The following ARHGEF16 variants were observed in gnomAD, a reference collection of about 807,000 sequenced individuals.
The protein encoded by ARHGEF16 is Rho guanine nucleotide exchange factor 16, also known as Rho guanine exchange factor (GEF) 16.
In ARHGEF16, 59 loss-of-function variants were observed where a neutral mutation model predicts 74.1. That is an observed-to-expected ratio of 0.80 (90% confidence interval 0.65 to 0.99). The LOEUF (loss-of-function observed/expected upper bound fraction) is 0.99. Among genes scored for constraint, ARHGEF16 ranks in the 50% least tolerant of loss-of-function variants. The pLI is 0.00. For missense variants in ARHGEF16, 948 were observed against 986.6 expected (o/e 0.96, Z 0.52); for synonymous variants, 415 against 412.6 (o/e 1.01, Z -0.07).
chr1:3,455,357 CT>C (rs955594673), intron 1 of ARHGEF16, among the ~76,000 whole-genome samples: 5 of 152,094 alleles, frequency 3.3e-5, no homozygotes, highest in Admixed American at 6.5e-5. Context: ...CCATACGCCC[CT>C]CCCCCACCCT....
Position 3,480,655 on chromosome 1 carries a change from G to C in ARHGEF16, c.*68G>C. ...CAGCAAGTGGTCGTGCCTGGCTCTA[G>C]AGAGCGTGGGGAGCTGGTCTCAAGG... On this transcript the variant is annotated 3_prime_UTR_variant, in exon 15 of 15. Transcript: ENST00000378378. 6.4e-7 allele frequency: 1 copy of C among 1,559,584 alleles called. No homozygotes were observed. The highest frequency in any genetic ancestry group is 8.6e-7 in the Non-Finnish European group (1 of 1,157,004).
chr1:3,460,197 G>T (rs2100732332), intron 1 of ARHGEF16, among the ~76,000 whole-genome samples: 1 of 152,302 alleles, frequency 6.6e-6, no homozygotes, highest in South Asian at 2.1e-4. Flanking sequence ...GGGAGCGGAG[G>T]TCACACCCAG....
At chr1:3,470,071 C>A (rs1239213226) in intron 6 of ARHGEF16, among the ~76,000 whole-genome samples, 1 of 152,092 alleles carries the variant, frequency 6.6e-6, no homozygotes, top group African/African-American at 2.4e-5. Context: ...CAGCTGCAGC[C>A]ATGCACGGGG....
At position 3,477,960 on chromosome 1, in the gene ARHGEF16, T is replaced by C; in HGVS notation, c.1559T>C (p.Ile520Thr). ...LVEETGLFRK[I>T]ASRPTCYLFL... is the part of the protein sequence containing the mutation. The stretch of plus-strand genomic sequence containing the variant: ...GAAGAAACCGGACTTTTTCGAAAAA[T>C]TGCCAGCCGGCCAACGTGCTACCTT... The change falls in exon 11 of 15, where the codon ATT becomes ACT. Residue 520 changes from isoleucine to threonine, a missense_variant. Coordinates refer to ENST00000378378, the MANE Select transcript of ARHGEF16 (RefSeq NM_014448.4). The C allele has an allele frequency of 6.2e-7, 1 of 1,612,550 alleles. No individual in the cohort carries two copies. Among genetic ancestry groups the C allele is most frequent in the South Asian group, 1.1e-5 (1 of 91,078 alleles).
chr1:3,458,659 C>G (rs1231341181), intron 1 of ARHGEF16, among the ~76,000 whole-genome samples: 1 of 152,216 alleles, frequency 6.6e-6, no homozygotes, highest in African/African-American at 2.4e-5. Flanking sequence ...CAGAAACAAT[C>G]AACCACCAGC....
intron 10 of ARHGEF16, among the ~76,000 whole-genome samples, chr1:3,476,634 C>T (rs1372572398): frequency 6.6e-6 from 1 of 152,114 alleles, no homozygotes; most frequent in African/African-American, 2.4e-5. Context: ...ATCCCACACA[C>T]TGGCCGCATC....
chr1:3,478,595 G>C lies in ARHGEF16; in HGVS notation c.1797G>C (p.Leu599=), dbSNP rs1639963775. 1 of 1,611,180 alleles carries C rather than the reference G, an allele frequency of 6.2e-7. No homozygotes were observed. The highest frequency in any genetic ancestry group is 1.1e-5 in the South Asian group (1 of 90,850). The change falls in exon 12 of 15, where the codon CTG becomes CTC. Residue 599 remains leucine (L), a synonymous_variant. Transcript: ENST00000378378. The part of the protein sequence containing the change: ...RNSEGRQEQL[L]LSSDSASDRA... ...GCGAGGGCCGCCAGGAGCAGCTCCT[G>C]CTCTCCTCGGACTCCGCGTAAGTGG...
intron 6 of ARHGEF16, among the ~76,000 whole-genome samples, chr1:3,470,986 G>C (rs373637827): frequency 6.3e-5 from 9 of 143,852 alleles, no homozygotes; most frequent in African/African-American, 1.8e-4. Flanking sequence ...GTGTGTGTGC[G>C]TGGGCAGGGG....
At chr1:3,457,383 T>G (rs568709799) in intron 1 of ARHGEF16, among the ~76,000 whole-genome samples, 1 of 152,198 alleles carries the variant, frequency 6.6e-6, no homozygotes, top group African/African-American at 2.4e-5. Flanking sequence ...TGGGACCACA[T>G]GAAGCTGGAG....
At chr1:3,462,759 A>G (rs1639431672) in intron 1 of ARHGEF16, among the ~76,000 whole-genome samples, 1 of 152,246 alleles carries the variant, frequency 6.6e-6, no homozygotes, top group East Asian at 1.9e-4. Context: ...GTGGCCTCCC[A>G]ACCTCCAAGG....
intron 1 of ARHGEF16, among the ~76,000 whole-genome samples, chr1:3,456,373 C>A (rs945900541): frequency 6.6e-6 from 1 of 152,218 alleles, no homozygotes; most frequent in Non-Finnish European, 1.5e-5. Flanking sequence ...GAGTTTGGGT[C>A]TGAGTTTTAG....
At chr1:3,479,004 G>T (rs1032951903) in intron 12 of ARHGEF16, among the ~76,000 whole-genome samples, 2 of 152,224 alleles carry the variant, frequency 1.3e-5, no homozygotes, top group Non-Finnish European at 2.9e-5. Flanking sequence ...GCTGCAGGTG[G>T]ACAGCAGTGA....
Position 3,466,128 on chromosome 1 carries a change from T to C in ARHGEF16, c.589-20T>C. On this transcript the variant is annotated intron_variant, in intron 2 of 14. Coordinates refer to ENST00000378378, the MANE Select transcript of ARHGEF16 (RefSeq NM_014448.4). The stretch of plus-strand genomic sequence containing the variant: ...TGCCCCGGCTGACAGCTGCGGTTTC[T>C]GTGTCTCTCTTTTGTGCAGAAGACG... 6.5e-7 allele frequency: 1 copy of C among 1,548,162 alleles called. No homozygotes were observed. The highest frequency in any genetic ancestry group is 8.7e-7 in the Non-Finnish European group (1 of 1,145,920).
At chr1:3,472,582 T>C (rs550580017) in intron 6 of ARHGEF16, among the ~76,000 whole-genome samples, 75 of 152,348 alleles carry the variant, frequency 4.9e-4, no homozygotes, top group South Asian at 8.3e-4. Flanking sequence ...GCCCCAGGCA[T>C]CGCCCCTCTT....
chr1:3,458,432 C>T lies in ARHGEF16; in HGVS notation c.-20+3621C>T, dbSNP rs373407377. 9.2e-5 allele frequency among the ~76,000 whole-genome samples: 14 copies of T among 152,352 alleles called. No homozygotes were observed. In the South Asian group the frequency reaches 2.3e-3, roughly 25 times the overall value. ...CTGAAAGGAGTCTGCCCTCTCAGCC[C>T]CTCCCCTTCACTGGCTCCACCAGGA... On this transcript the variant is annotated intron_variant, in intron 1 of 14. Transcript: ENST00000378378.
At chr1:3,473,350 C>T in intron 7 of ARHGEF16, 43 bp from the exon 8 acceptor site, 1 of 1,581,642 alleles carries the variant, frequency 6.3e-7, no homozygotes. Context: ...TTGGTACAGG[C>T]TGGCCATGCA....
chr1:3,479,557 G>A lies in ARHGEF16; in HGVS notation c.1855G>A (p.Glu619Lys), dbSNP rs1639997514. The A allele has an allele frequency of 6.2e-7, 1 of 1,612,616 alleles. No individual in the cohort carries two copies. ...ARWIVALTHS[E>K]RQWQGLSSKG... ...GTGGATCGTGGCGCTCACACACAGT[G>A]AGAGACAGTGGCAGGGCCTCTCCAG... is the stretch of plus-strand genomic sequence containing the variant. The change falls in exon 13 of 15, where the codon GAG (glutamate) becomes AAG (lysine). Residue 619 changes from glutamate (E) to lysine (K), a missense_variant. Physicochemically the swap from Glu to Lys is moderately conservative, Grantham distance 56. Coordinates refer to ENST00000378378, the MANE Select transcript of ARHGEF16 (RefSeq NM_014448.4).
rs201550974 is a variant in ARHGEF16, at chr1:3,473,395, G to A, written c.1178G>A (p.Ser393Asn). ...AGGACAGCCTTGTCCTCTTGCAGAA[G>A]CAGCAACGCCGCCTTCCGAGAGGCC... ...YQQRTLQKLI[S>N]SNAAFREALR... The change falls in exon 8 of 15, where the codon AGC becomes AAC. Residue 393 changes from serine to asparagine, a missense_variant and splice_region_variant. Coordinates refer to ENST00000378378, the MANE Select transcript of ARHGEF16 (RefSeq NM_014448.4). 2 of 1,604,602 alleles carry A rather than the reference G, an allele frequency of 1.2e-6. No individual in the cohort carries two copies. The highest frequency in any genetic ancestry group is 1.3e-5 in the African/African-American group (1 of 74,956).
At chr1:3,461,354 C>G (rs531391669) in intron 1 of ARHGEF16, among the ~76,000 whole-genome samples, 1 of 152,230 alleles carries the variant, frequency 6.6e-6, no homozygotes, top group African/African-American at 2.4e-5. Flanking sequence ...ACGCTTTGCA[C>G]GCTTTACACT....
Sources: allele counts gnomAD v4.1 joint callset (sites outside exome capture counted in the v4.1 genomes callset), GRCh38; gene constraint gnomAD v4.1.1; transcripts MANE v1.5; gene names NCBI Gene and HGNC (gene_info 2026-07-23, HGNC 2026-07-21).